The following NCAM2 variants were observed in gnomAD, a reference collection of about 807,000 sequenced individuals.
NCAM2 encodes the protein N-CAM-2.
Under a neutral mutation model 98.1 loss-of-function variants are expected in NCAM2, and 30 were observed. That is an observed-to-expected ratio of 0.31 (90% CI 0.23 to 0.41). The LOEUF is 0.41. Ranked by LOEUF, NCAM2 falls within the 10% of genes least tolerant of loss-of-function variation. The pLI, the probability that NCAM2 is intolerant of heterozygous loss-of-function variation, is 1.00. For synonymous variants in NCAM2, 368 were observed against 342.4 expected (o/e 1.07, Z -0.83); for missense variants, 867 against 1,005.8 (o/e 0.86, Z 1.87).
intron 8 of NCAM2, among the ~76,000 whole-genome samples, chr21:21,355,507 AAGGGAGGGAGAGAGGGAGGAGGG>A (rs745950898): frequency 0.18 from 25,635 of 139,734 alleles, 2,736 homozygotes; most frequent in East Asian, 0.29. Flanking sequence ...GAAAAGAAAT[AAGGGAGGGAGAGAGGGAGGAGGG>A]AGGGAGGGAG....
intron 9 of NCAM2, among the ~76,000 whole-genome samples, chr21:21,385,396 A>ACACACACACACACG (rs71980516): frequency 1.6e-5 from 1 of 60,704 alleles, no homozygotes; most frequent in Non-Finnish European, 3.5e-5. Context: ...ACACACACAC[A>ACACACACACACACG]CACGCACACA....
chr21:21,244,568 G>C (rs2071189231), intron 1 of NCAM2, among the ~76,000 whole-genome samples: 1 of 152,058 alleles, frequency 6.6e-6, no homozygotes, highest in Admixed American at 6.6e-5. Flanking sequence ...TAAAAAACAG[G>C]CCGAGTGCGG....
chr21:21,386,861 T>C (rs2076280893), intron 9 of NCAM2, among the ~76,000 whole-genome samples: 1 of 152,148 alleles, frequency 6.6e-6, no homozygotes, highest in East Asian at 1.9e-4. Context: ...ACATATTTTG[T>C]AACTGGATTT....
intron 15 of NCAM2, among the ~76,000 whole-genome samples, chr21:21,493,974 A>T (rs1171573272): frequency 6.6e-6 from 1 of 151,968 alleles, no homozygotes; most frequent in Non-Finnish European, 1.5e-5. Context: ...TGTAGTTTTA[A>T]TAATGTAGAA....
At chr21:21,110,349 C>A (rs2066430365) in intron 1 of NCAM2, among the ~76,000 whole-genome samples, 1 of 151,992 alleles carries the variant, frequency 6.6e-6, no homozygotes, top group Non-Finnish European at 1.5e-5. Flanking sequence ...CCTTGGAGTA[C>A]TCCTTGATAC....
chr21:21,466,239 G>A (rs1402266499), intron 12 of NCAM2, among the ~76,000 whole-genome samples: 2 of 151,938 alleles, frequency 1.3e-5, no homozygotes, highest in African/African-American at 2.4e-5. Flanking sequence ...AATAATCTAT[G>A]TAGAGTACTT....
chr21:21,005,135 G>A (rs2056181060), intron 1 of NCAM2, among the ~76,000 whole-genome samples: 1 of 152,164 alleles, frequency 6.6e-6, no homozygotes, highest in Admixed American at 6.5e-5. Context: ...TGACCTGGAG[G>A]CCAAGCTGGT....
At chr21:21,125,824 C>T (rs1376255451) in intron 1 of NCAM2, among the ~76,000 whole-genome samples, 1 of 150,250 alleles carries the variant, frequency 6.7e-6, no homozygotes, top group Non-Finnish European at 1.5e-5. Context: ...TAATGCAGCA[C>T]AATAGTCTCT....
At chr21:21,226,015 A>G (rs1034070935) in intron 1 of NCAM2, among the ~76,000 whole-genome samples, 3 of 152,140 alleles carry the variant, frequency 2.0e-5, no homozygotes, top group Non-Finnish European at 4.4e-5. Context: ...GGCAACATGG[A>G]TGCAGCTGGA....
chr21:21,480,732 G>A (rs1985800978), intron 15 of NCAM2, among the ~76,000 whole-genome samples: 1 of 152,208 alleles, frequency 6.6e-6, no homozygotes, highest in African/African-American at 2.4e-5. Flanking sequence ...AAGAGCAACT[G>A]ATGGATGAAC....
intron 9 of NCAM2, among the ~76,000 whole-genome samples, chr21:21,397,328 G>A (rs2076531894): frequency 6.6e-6 from 1 of 152,192 alleles, no homozygotes; most frequent in African/African-American, 2.4e-5. Context: ...CCAGAAGGCT[G>A]TCTGCCTCCT....
chr21:21,238,969 A>G (rs887211671), intron 1 of NCAM2, among the ~76,000 whole-genome samples: 7 of 152,152 alleles, frequency 4.6e-5, no homozygotes, highest in African/African-American at 1.4e-4. Flanking sequence ...CTCTAGATAC[A>G]ATTGGACTAA....
At position 21,154,445 on chromosome 21, in the gene NCAM2, G is replaced by C. The variant is rs555641524; in HGVS notation, c.56-126133G>C. The stretch of plus-strand genomic sequence containing the variant: ...AATTAGTTGTGAGGATTTCATAGTG[G>C]TTCCATTAGAAAAGAGTTTTATATT... On this transcript the variant is annotated intron_variant, in intron 1 of 17. Transcript: ENST00000400546. Among the ~76,000 whole-genome samples the C allele has an allele frequency of 3.3e-5, 5 of 151,884 alleles. 1 individual carries two copies. In the South Asian group the frequency reaches 1.0e-3, roughly 31 times the overall value.
chr21:21,080,707 T>C (rs958955636), intron 1 of NCAM2, among the ~76,000 whole-genome samples: 1 of 151,316 alleles, frequency 6.6e-6, no homozygotes, highest in African/African-American at 2.4e-5. Context: ...CCCCTAACAT[T>C]TATTACTCTC....
intron 1 of NCAM2, among the ~76,000 whole-genome samples, chr21:21,027,898 C>T (rs1474596284): frequency 7.3e-5 from 11 of 151,262 alleles, no homozygotes; most frequent in Non-Finnish European, 1.5e-4. Context: ...CTCTTGTTGC[C>T]CAGGCTGGAG....
intron 1 of NCAM2, among the ~76,000 whole-genome samples, chr21:21,046,295 G>C (rs1252618977): frequency 6.6e-6 from 1 of 152,110 alleles, no homozygotes; most frequent in Non-Finnish European, 1.5e-5. Flanking sequence ...CATGCAAATG[G>C]CAGGGGATTA....
rs118051667 is a variant in NCAM2 at position 21,321,748 on chromosome 21, T to G, written c.620-2635T>G. 4.1e-3 allele frequency among the ~76,000 whole-genome samples: 625 copies of G among 152,106 alleles called. 29 individuals are homozygous for G. In the East Asian group the frequency reaches 0.1, roughly 25 times the overall value. On this transcript the variant is annotated intron_variant, in intron 5 of 17. Transcript: ENST00000400546. ...GCTTTCATCCTCAGAGAAATGTAAA[T>G]CAAAACCACAATGAGATACCATCTC...
At chr21:21,273,130 C>T (rs376109582) in intron 1 of NCAM2, among the ~76,000 whole-genome samples, 4 of 152,028 alleles carry the variant, frequency 2.6e-5, no homozygotes, top group African/African-American at 4.8e-5. Context: ...CTGGTTTCAC[C>T]GTATATTGGC....
intron 1 of NCAM2, among the ~76,000 whole-genome samples, chr21:21,197,366 G>C (rs2069041799): frequency 1.3e-5 from 2 of 152,164 alleles, no homozygotes; most frequent in African/African-American, 4.8e-5. Context: ...CTGGCCTCAA[G>C]TGATCTGCCC....
Sources: gnomAD v4.1 joint callset for allele counts (sites outside exome capture counted in the v4.1 genomes callset) on GRCh38, gnomAD v4.1.1 for gene constraint, MANE v1.5 for transcripts, NCBI Gene and HGNC (gene_info 2026-07-23, HGNC 2026-07-21) for gene names.